LRRC46: variants seen among roughly 807,000 people sequenced by gnomAD.
LRRC46 encodes leucine rich repeat containing 46.
Under a neutral mutation model 28.0 loss-of-function variants are expected in LRRC46, and 20 were observed. The observed-to-expected ratio is 0.71, with a 90% CI of 0.50 to 1.04. The LOEUF (loss-of-function observed/expected upper bound fraction) is 1.04. Ranked by LOEUF, LRRC46 falls within the 50% of genes least tolerant of loss-of-function variation. The pLI, the probability that LRRC46 is intolerant of heterozygous loss-of-function variation, is 0.00. For synonymous variants in LRRC46, 156 were observed against 158.8 expected, an observed-to-expected ratio of 0.98 and a Z score of 0.13; for missense variants, 315 against 390.1, an observed-to-expected ratio of 0.81 and a Z score of 1.62.
chr17:47,836,646 A>C lies in LRRC46; in HGVS notation c.596-104A>C. The C allele has an allele frequency of 6.6e-7, 1 of 1,513,912 alleles. No homozygotes were observed. The highest frequency in any genetic ancestry group is 8.9e-7 in the Non-Finnish European group (1 of 1,128,370). The allele number at this position is 1,513,912 out of a possible 1,614,324, so 93.8% of individuals were successfully genotyped here. A position where few individuals can be genotyped will look rare whatever the true frequency, so the allele number is the denominator to read the frequency against. On this transcript the variant is annotated intron_variant, in intron 7 of 7. Transcript: ENST00000269025. The surrounding 1 kb of genome is among the most constrained non-coding windows in gnomAD (Gnocchi z 5.8). ...GGGCCCCAGCCTCAGGCTCCTTCCC[A>C]CAAGGGACAAGGGGCCAGCCAGAGA...
chr17:47,834,368 T>A (rs1453194509), intron 2 of LRRC46, 57 bp from the exon 3 acceptor site: 1 of 1,287,758 alleles, frequency 7.8e-7, no homozygotes. Flanking sequence ...CCATCCTCCC[T>A]GCTAAGAGAC....
chr17:47,832,090 C>G lies in LRRC46; in HGVS notation c.11-10C>G. ...GAGGAAGTGTCACAGTTGGACTCAT[C>G]TTTTCACAGGGAAGTCAGCCCAGGG... is the stretch of plus-strand genomic sequence containing the variant. On this transcript the variant is annotated splice_polypyrimidine_tract_variant and intron_variant, in intron 1 of 7. Coordinates refer to ENST00000269025, the MANE Select transcript of LRRC46 (RefSeq NM_033413.4). The G allele has an allele frequency of 6.2e-7, 1 of 1,612,196 alleles. No homozygotes were observed. Among genetic ancestry groups the G allele is most frequent in the Non-Finnish European group, 8.5e-7 (1 of 1,178,854 alleles).
Position 47,836,934 on chromosome 17 carries a change from A to G in LRRC46, c.780A>G (p.Thr260=). The G allele has an allele frequency of 6.2e-7, 1 of 1,613,888 alleles. No individual in the cohort carries two copies. Among genetic ancestry groups the G allele is most frequent in the Non-Finnish European group, 8.5e-7 (1 of 1,179,942 alleles). ...PSATPAQGEE[T]VPEAVSSPQA... The stretch of plus-strand genomic sequence containing the variant: ...CCACTCCTGCGCAAGGGGAGGAGAC[A>G]GTCCCTGAGGCCGTCTCCTCACCCC... Residue 260 remains threonine, a synonymous_variant, in exon 8 of 8, where the codon ACA becomes ACG. Coordinates refer to ENST00000269025, the MANE Select transcript of LRRC46 (RefSeq NM_033413.4). This position sits in a 1 kb window ranked among gnomAD's most constrained non-coding sequence, Gnocchi z 5.8.
In LRRC46 at chr17:47,836,884, A is replaced by G; in HGVS notation, c.730A>G (p.Met244Val). The change falls in exon 8 of 8, where the codon ATG (methionine) becomes GTG (valine). Residue 244 changes from methionine (M) to valine (V), a missense_variant. Transcript: ENST00000269025. This position sits in a 1 kb window ranked among gnomAD's most constrained non-coding sequence, Gnocchi z 5.8. ...TDLPLLPGVP[M>V]AGDSSPSATP... is the part of the protein sequence containing the mutation. The stretch of plus-strand genomic sequence containing the variant: ...CCTGCCCCTGCTACCTGGGGTGCCC[A>G]TGGCTGGGGACAGCAGCCCTTCTGC... 1.2e-6 allele frequency: 2 copies of G among 1,613,804 alleles called. No homozygotes were observed. Among genetic ancestry groups the G allele is most frequent in the South Asian group, 1.1e-5 (1 of 91,070 alleles).
rs1435606995 is a variant in LRRC46 at position 47,833,386 on chromosome 17, T to C, written c.117-1039T>C. ...CCTTCTTTCCCTTCTTCCTCCTCCT[T>C]CTTCCTTTCCCCTGTACTTGCCTCT... On this transcript the variant is annotated intron_variant, in intron 2 of 7. Coordinates refer to ENST00000269025, the MANE Select transcript of LRRC46 (RefSeq NM_033413.4). Among the ~76,000 whole-genome samples the C allele has an allele frequency of 5.3e-5, 8 of 151,878 alleles. No individual in the cohort carries two copies. In the East Asian group the frequency reaches 1.5e-3, roughly 29 times the overall value.
rs1318540789 is a variant in LRRC46 at position 47,836,799 on chromosome 17, G to A, written c.645G>A (p.Arg215=). 1 of 1,613,790 alleles carries A rather than the reference G, an allele frequency of 6.2e-7. No individual in the cohort carries two copies. Among genetic ancestry groups the A allele is most frequent in the Non-Finnish European group, 8.5e-7 (1 of 1,180,008 alleles). ...AGCTGAGCAGGCACAGGGAGCACCG[G>A]CAACAGACGGCCCTGACAGAGCACC... is the stretch of plus-strand genomic sequence containing the variant. The part of the protein sequence containing the change: ...EQELSRHREH[R]QQTALTEHLL... The change falls in exon 8 of 8, where the codon CGG becomes CGA. Residue 215 remains arginine (R), a synonymous_variant. Coordinates refer to ENST00000269025, the MANE Select transcript of LRRC46 (RefSeq NM_033413.4). The surrounding 1 kb of genome is among the most constrained non-coding windows in gnomAD (Gnocchi z 5.8).
rs755779904 is a variant in LRRC46 at position 47,836,459 on chromosome 17, A to G, written c.579A>G (p.Pro193=). Residue 193 remains proline, a synonymous_variant, in exon 7 of 8, where the codon CCA becomes CCG. Coordinates refer to ENST00000269025, the MANE Select transcript of LRRC46 (RefSeq NM_033413.4). The surrounding 1 kb of genome is among the most constrained non-coding windows in gnomAD (Gnocchi z 5.8). ...SDEEFPELSG[P]FCSERGFLKE... ...AGGAGTTCCCAGAGCTGAGTGGCCC[A>G]TTCTGCTCAGAACGAGGTGACCCTG... 2.5e-6 allele frequency: 4 copies of G among 1,614,074 alleles called. No individual in the cohort carries two copies. The highest frequency in any genetic ancestry group is 1.7e-5 in the Admixed American group (1 of 60,010).
rs766157580 is a variant in LRRC46, at chr17:47,834,457, G to A, written c.149G>A (p.Arg50His). The A allele has an allele frequency of 4.3e-6, 7 of 1,613,392 alleles. No homozygotes were observed. The East Asian group carries it at 6.7e-5, about 15-fold the overall frequency. Residue 50 changes from arginine (R) to histidine (H), a missense_variant, in exon 3 of 8, where the codon CGC (arginine) becomes CAC (histidine). By Grantham distance (29) the Arg-to-His change is conservative. Coordinates refer to ENST00000269025, the MANE Select transcript of LRRC46 (RefSeq NM_033413.4). ...FHTLDELQTV[R>H]LDREGITTIR... ...ACTCTTGATGAACTGCAGACTGTCC[G>A]CCTGGACCGGGAGGGGATTACTACT...
rs2033637340 is a variant in LRRC46 at position 47,831,850 on chromosome 17, T to TCAAC, written c.-138_-135dup. The TCAAC allele has an allele frequency of 2.0e-5, 22 of 1,113,386 alleles. No individual in the cohort carries two copies. The South Asian group carries it at 2.9e-4, about 14-fold the overall frequency. 69.0% of individuals were successfully genotyped at this position (1,113,386 alleles called of 1,614,324 possible). On this transcript the variant is annotated 5_prime_UTR_variant, in exon 1 of 8. Coordinates refer to ENST00000269025, the MANE Select transcript of LRRC46 (RefSeq NM_033413.4). ...CCTCACCCCAGCAATTTTCTCTGAATCAACCCCCTTTCCTCCTCTCCTAAG... is the reference window on the plus strand; with the variant it reads ...CCTCACCCCAGCAATTTTCTCTGAATCAACCAACCCCCTTTCCTCCTCTCCTAAG...
In LRRC46 at chr17:47,832,113, G is replaced by C. The variant is rs2033642028; in HGVS notation, c.24G>C (p.Gln8His). The part of the protein sequence containing the change: MSGGKSA[Q>H]GPEEGGVCIT... ...ATCTTTTCACAGGGAAGTCAGCCCA[G>C]GGTCCAGAGGAAGGGGGCGTCTGCA... The change falls in exon 2 of 8, where the codon CAG becomes CAC. Residue 8 changes from glutamine to histidine, a missense_variant. Physicochemically the swap from Gln to His is conservative, Grantham distance 24. Coordinates refer to ENST00000269025, the MANE Select transcript of LRRC46 (RefSeq NM_033413.4). 1 of 1,610,268 alleles carries C rather than the reference G, an allele frequency of 6.2e-7. No individual in the cohort carries two copies.
chr17:47,831,758 T>A lies in LRRC46; in HGVS notation c.-232T>A. On this transcript the variant is annotated 5_prime_UTR_variant, in exon 1 of 8. Coordinates refer to ENST00000269025, the MANE Select transcript of LRRC46 (RefSeq NM_033413.4). ...TCCTGCCCACAACACCCCAGCTTGC[T>A]GCCAGCAAAGCCCCTCCACACCCCT... The A allele has an allele frequency of 1.5e-6, 1 of 645,618 alleles. No individual in the cohort carries two copies. The highest frequency in any genetic ancestry group is 2.7e-6 in the Non-Finnish European group (1 of 372,178). The allele number at this position is 645,618 out of a possible 1,614,324, so 40.0% of individuals were successfully genotyped here.
chr17:47,837,241 C>T lies in LRRC46; in HGVS notation c.*121C>T. On this transcript the variant is annotated 3_prime_UTR_variant, in exon 8 of 8. Transcript: ENST00000269025. ...GTCTCTAGGCCCTGAGTATGCTTTTCATGTCACTTGGGGTATCTCAGGGGA... is the reference window on the plus strand; with the variant it reads ...GTCTCTAGGCCCTGAGTATGCTTTTTATGTCACTTGGGGTATCTCAGGGGA... 3 of 1,353,468 alleles carry T rather than the reference C, an allele frequency of 2.2e-6. No individual in the cohort carries two copies. Among genetic ancestry groups the T allele is most frequent in the Non-Finnish European group, 3.0e-6 (3 of 1,004,492 alleles). The allele number at this position is 1,353,468 out of a possible 1,614,324, so 83.8% of individuals were successfully genotyped here.
intron 2 of LRRC46, among the ~76,000 whole-genome samples, 194 bp downstream of exon 2, chr17:47,832,399 T>A (rs1409151427): frequency 6.6e-6 from 1 of 152,196 alleles, no homozygotes; most frequent in East Asian, 1.9e-4. Flanking sequence ...CACTCAACTG[T>A]CTTAGATAAG....
rs2033695564 is a variant in LRRC46, at chr17:47,836,325, C to T, written c.453-8C>T. The stretch of plus-strand genomic sequence containing the variant: ...TCCTGGGTAACCTCTGCTCCTTCTG[C>T]TCTGCAGCGAGCTGGTGACAGAAGC... On this transcript the variant is annotated splice_polypyrimidine_tract_variant and splice_region_variant and intron_variant, in intron 6 of 7. Transcript: ENST00000269025. The surrounding 1 kb of genome is among the most constrained non-coding windows in gnomAD (Gnocchi z 5.8). 6.2e-7 allele frequency: 1 copy of T among 1,613,542 alleles called. No individual in the cohort carries two copies. Among genetic ancestry groups the T allele is most frequent in the Non-Finnish European group, 8.5e-7 (1 of 1,179,926 alleles).
At chr17:47,835,268 C>A in intron 3 of LRRC46, 85 bp from the exon 4 acceptor site, 1 of 1,368,106 alleles carries the variant, frequency 7.3e-7, no homozygotes, top group Non-Finnish European at 1.0e-6. Flanking sequence ...GCAGAGTAGA[C>A]ATGGTCTTGG....
rs140842284 is a variant in LRRC46 at position 47,832,147 on chromosome 17, G to A, written c.58G>A (p.Ala20Thr). 6.2e-7 allele frequency: 1 copy of A among 1,608,658 alleles called. No homozygotes were observed. Among genetic ancestry groups the A allele is most frequent in the African/African-American group, 1.3e-5 (1 of 74,728 alleles). ...PEEGGVCITE[A>T]LITKRNLTFP... Reference sequence around the variant, plus strand: ...GGAAGGGGGCGTCTGCATCACTGAAGCCCTTATCACTAAGCGGAACTTGAC... The same window carrying A: ...GGAAGGGGGCGTCTGCATCACTGAAACCCTTATCACTAAGCGGAACTTGAC... Residue 20 changes from alanine to threonine, a missense_variant, in exon 2 of 8, where the codon GCC (alanine) becomes ACC (threonine). Transcript: ENST00000269025.
At chr17:47,833,448 A>ATTT (rs35268915) in intron 2 of LRRC46, among the ~76,000 whole-genome samples, 5 of 118,676 alleles carry the variant, frequency 4.2e-5, no homozygotes, top group African/African-American at 1.0e-4. Context: ...CCTTCTTCCT[A>ATTT]TTTTTTTTTT....
At position 47,834,409 on chromosome 17, in the gene LRRC46, C is replaced by G; in HGVS notation, c.117-16C>G. On this transcript the variant is annotated splice_polypyrimidine_tract_variant and intron_variant, in intron 2 of 7. Transcript: ENST00000269025. ...GAGTGGTGCTCTAACACCACCCTTA[C>G]TGACTCTTTTCCCAGGTTTCACACT... 2 of 1,585,370 alleles carry G rather than the reference C, an allele frequency of 1.3e-6. No homozygotes were observed. Among genetic ancestry groups the G allele is most frequent in the African/African-American group, 2.7e-5 (2 of 74,418 alleles).
In LRRC46 at chr17:47,831,915, C is replaced by T; in HGVS notation, c.-75C>T. The T allele has an allele frequency of 6.3e-7, 1 of 1,596,232 alleles. No homozygotes were observed. Among genetic ancestry groups the T allele is most frequent in the Non-Finnish European group, 8.6e-7 (1 of 1,166,420 alleles). On this transcript the variant is annotated 5_prime_UTR_variant, in exon 1 of 8. Transcript: ENST00000269025. Reference sequence around the variant, plus strand: ...TCTCCTCCTGCCATCCTGAGTTCTGCCATCCTTAGGGGCCGCCAAGACCTC... The same window carrying T: ...TCTCCTCCTGCCATCCTGAGTTCTGTCATCCTTAGGGGCCGCCAAGACCTC...
Sources: allele counts gnomAD v4.1 joint callset (sites outside exome capture counted in the v4.1 genomes callset), GRCh38; gene constraint gnomAD v4.1.1; non-coding constraint Gnocchi (gnomAD v3.1); transcripts MANE v1.5; gene names NCBI Gene and HGNC (gene_info 2026-07-23, HGNC 2026-07-21).